Variants in ARHGEF10L observed in about 807,000 individuals in gnomAD.
ARHGEF10L encodes the protein Rho guanine nucleotide exchange factor 10 like.
A neutral mutation model predicts 141.2 loss-of-function variants in ARHGEF10L; 69 were observed. The ratio of observed to expected loss-of-function variants is 0.49; its 90% CI spans 0.40 to 0.60. The LOEUF (loss-of-function observed/expected upper bound fraction) is 0.60. Ranked by LOEUF, ARHGEF10L falls within the 20% of genes least tolerant of loss-of-function variation. The pLI is 0.00. For synonymous variants in ARHGEF10L, 711 were observed against 718.5 expected, an observed-to-expected ratio of 0.99 and a Z score of 0.17; for missense variants, 1,482 against 1,734.3, an observed-to-expected ratio of 0.85 and a Z score of 2.58.
chr1:17,667,460 G>A (rs892640883), intron 26 of ARHGEF10L, among the ~76,000 whole-genome samples: 20 of 152,234 alleles, frequency 1.3e-4, no homozygotes, highest in Non-Finnish European at 2.9e-4. Context: ...CCCGAGACAG[G>A]AAGAAGCCGA....
At chr1:17,669,131 T>C (rs1042310769) in intron 26 of ARHGEF10L, among the ~76,000 whole-genome samples, 1 of 152,212 alleles carries the variant, frequency 6.6e-6, no homozygotes, top group Non-Finnish European at 1.5e-5. Context: ...CTGGCAGCCA[T>C]GTGGCAGAAT....
At chr1:17,696,735 GAAGTGACCCCCCCA>G in intron 28 of ARHGEF10L, 99 bp from the exon 29 acceptor site, 2 of 1,150,800 alleles carry the variant, frequency 1.7e-6, no homozygotes, top group Non-Finnish European at 1.2e-6. Flanking sequence ...AACATAGACA[GAAGTGACCCCCCCA>G]AATACCCACC....
intron 21 of ARHGEF10L, among the ~76,000 whole-genome samples, chr1:17,643,224 G>A (rs77101419): frequency 0.011 from 1,694 of 152,284 alleles, 15 homozygotes; most frequent in South Asian, 0.021. Context: ...ATTCACAAAG[G>A]CTGTTATTCC....
At chr1:17,564,078 C>T (rs1486733511) in intron 1 of ARHGEF10L, among the ~76,000 whole-genome samples, 1 of 152,178 alleles carries the variant, frequency 6.6e-6, no homozygotes, top group Non-Finnish European at 1.5e-5. Flanking sequence ...CTGACATCAT[C>T]GTTATCCTCA....
intron 27 of ARHGEF10L, chr1:17,691,267 G>A (rs979564603): frequency 8.1e-6 from 3 of 369,426 alleles, no homozygotes; most frequent in African/African-American, 2.2e-5. Flanking sequence ...TTTTCTTTCG[G>A]ACTGTTTGTG....
intron 8 of ARHGEF10L, 91 bp from the exon 9 acceptor site, chr1:17,616,003 C>A (rs1005772471): frequency 1.8e-6 from 2 of 1,082,544 alleles, no homozygotes; most frequent in Admixed American, 3.5e-5. Context: ...GTTCTGATCT[C>A]TGCAGGCCGA....
chr1:17,662,428 A>C (rs945073220), intron 25 of ARHGEF10L, among the ~76,000 whole-genome samples: 8 of 152,184 alleles, frequency 5.3e-5, no homozygotes, highest in Admixed American at 5.2e-4. Context: ...GCCCCCGTCC[A>C]AGTTCACACA....
chr1:17,582,855 T>A (rs1294722578), intron 2 of ARHGEF10L, among the ~76,000 whole-genome samples: 1 of 151,978 alleles, frequency 6.6e-6, no homozygotes, highest in Non-Finnish European at 1.5e-5. Flanking sequence ...TTACCTTTCC[T>A]TCCCCCTCCC....
intron 27 of ARHGEF10L, among the ~76,000 whole-genome samples, chr1:17,690,558 G>A (rs1330180061): frequency 6.6e-6 from 1 of 152,256 alleles, no homozygotes; most frequent in East Asian, 1.9e-4. Context: ...CTGCATCAGT[G>A]CAGACAGAGG....
Position 17,627,387 on chromosome 1 carries a change from C to T in ARHGEF10L, c.1468C>T (p.Leu490Phe). 1.2e-6 allele frequency: 2 copies of T among 1,614,118 alleles called. No homozygotes were observed. Among genetic ancestry groups the T allele is most frequent in the Non-Finnish European group, 1.7e-6 (2 of 1,180,042 alleles). The change falls in exon 15 of 29, where the codon CTC becomes TTC. Residue 490 changes from leucine to phenylalanine, a missense_variant. Leu to Phe is a conservative substitution (Grantham distance 22). Coordinates refer to ENST00000361221, the MANE Select transcript of ARHGEF10L (RefSeq NM_018125.4). This position sits in a 1 kb window ranked among gnomAD's most constrained non-coding sequence, Gnocchi z 4.0. ...GGACAGGCTGTCGCTGCAGCTGGCC[C>T]TCACAGAGCTGGAGACGCTGGCTGA... ...HPDRLSLQLALTELETLAEKL... is the reference protein window; with the variant it reads ...HPDRLSLQLAFTELETLAEKL...
chr1:17,577,759 T>C (rs982944006), intron 1 of ARHGEF10L, among the ~76,000 whole-genome samples: 9 of 152,240 alleles, frequency 5.9e-5, no homozygotes, highest in African/African-American at 2.2e-4. Flanking sequence ...GCTGGAATCC[T>C]AGTGTGGTCA....
intron 11 of ARHGEF10L, among the ~76,000 whole-genome samples, chr1:17,622,321 C>T (rs1402055915): frequency 6.6e-6 from 1 of 152,146 alleles, no homozygotes; most frequent in African/African-American, 2.4e-5. Flanking sequence ...TGGAGTCCTC[C>T]TTCTTGCATC....
At chr1:17,551,339 A>C (rs2077103676) in intron 1 of ARHGEF10L, among the ~76,000 whole-genome samples, 1 of 69,240 alleles carries the variant, frequency 1.4e-5, no homozygotes, top group South Asian at 6.0e-4. Flanking sequence ...TGCCTGATGC[A>C]GGTGGAGGGA....
intron 21 of ARHGEF10L, among the ~76,000 whole-genome samples, chr1:17,647,643 G>A (rs1311551102): frequency 6.6e-6 from 1 of 152,182 alleles, no homozygotes; most frequent in Non-Finnish European, 1.5e-5. Context: ...GACCCCCACT[G>A]ACTACAGCTT....
At chr1:17,564,306 G>T (rs148812457) in intron 1 of ARHGEF10L, among the ~76,000 whole-genome samples, 1 of 152,196 alleles carries the variant, frequency 6.6e-6, no homozygotes, top group Non-Finnish European at 1.5e-5. Flanking sequence ...TTAGGGCTGG[G>T]ACCCAGAGAG....
chr1:17,686,103 TTTC>T (rs1416563879), intron 26 of ARHGEF10L, among the ~76,000 whole-genome samples: 5 of 137,746 alleles, frequency 3.6e-5, no homozygotes, highest in East Asian at 2.0e-4. Context: ...TCTTTCTTTC[TTTC>T]TTTTTTTTTT....
At chr1:17,578,724 C>T (rs953507697) in intron 1 of ARHGEF10L, among the ~76,000 whole-genome samples, 2 of 152,040 alleles carry the variant, frequency 1.3e-5, no homozygotes, top group Admixed American at 6.5e-5. Flanking sequence ...TATACCCCCA[C>T]AAAAAACACC....
chr1:17,525,494 T>C, the ARHGEF10L span, among the ~76,000 whole-genome samples: 1 of 152,064 alleles, frequency 6.6e-6, no homozygotes, highest in Non-Finnish European at 1.5e-5. Context: ...GGATGTTGGC[T>C]TGAGCCATGG....
intron 1 of ARHGEF10L, among the ~76,000 whole-genome samples, chr1:17,559,504 C>T (rs2077466578): frequency 6.6e-6 from 1 of 152,192 alleles, no homozygotes. Flanking sequence ...CGACACCCCC[C>T]AGGGCCGCTG....
Sources: allele counts gnomAD v4.1 joint callset (sites outside exome capture counted in the v4.1 genomes callset), GRCh38; gene constraint gnomAD v4.1.1; non-coding constraint Gnocchi (gnomAD v3.1); transcripts MANE v1.5; gene names NCBI Gene and HGNC (gene_info 2026-07-23, HGNC 2026-07-21).